IL1RAPL2: variants seen among roughly 807,000 people sequenced by gnomAD.
IL1RAPL2 encodes the protein X-linked interleukin-1 receptor accessory protein-like 2.
A neutral mutation model predicts 44.1 loss-of-function variants in IL1RAPL2; 3 were observed. The observed-to-expected ratio is 0.07, with a 90% CI of 0.03 to 0.18. IL1RAPL2 has a LOEUF of 0.18. Ranked by LOEUF, IL1RAPL2 falls within the 10% of genes least tolerant of loss-of-function variation. The probability of loss-of-function intolerance (pLI) is 1.00; values close to 1 mark genes in which losing one functional copy is unlikely to be tolerated. For synonymous variants in IL1RAPL2, 181 were observed against 178.8 expected (o/e 1.01, Z -0.10); for missense variants, 391 against 496.4 (o/e 0.79, Z 2.02).
At chrX:104,616,231 C>T (rs910856772) in intron 1 of IL1RAPL2, among the ~76,000 whole-genome samples, 3 of 111,902 alleles carry the variant, frequency 2.7e-5, no homozygotes, top group African/African-American at 9.8e-5. Context: ...TTTGTTTTTG[C>T]TGTGCAGAAT....
At chrX:105,396,927 A>C (rs1340245583) in intron 5 of IL1RAPL2, among the ~76,000 whole-genome samples, 1 of 111,255 alleles carries the variant, frequency 9.0e-6, no homozygotes, top group Non-Finnish European at 1.9e-5. Context: ...GAGTGAGCGA[A>C]GCTTCATCTG....
intron 5 of IL1RAPL2, among the ~76,000 whole-genome samples, chrX:105,471,029 G>A (rs1014239406): frequency 8.9e-6 from 1 of 111,841 alleles, no homozygotes; most frequent in Non-Finnish European, 1.9e-5. Flanking sequence ...TTCATTTACT[G>A]TGGGGTAATT....
chrX:104,675,756 G>A (rs1401158715), intron 2 of IL1RAPL2, among the ~76,000 whole-genome samples: 3 of 110,264 alleles, frequency 2.7e-5, no homozygotes, highest in African/African-American at 9.9e-5. Flanking sequence ...AGGTCACTCA[G>A]GACTTGCTTT....
intron 1 of IL1RAPL2, among the ~76,000 whole-genome samples, chrX:104,645,880 A>T (rs2148017795): frequency 8.9e-6 from 1 of 112,613 alleles, no homozygotes; most frequent in South Asian, 3.7e-4. Context: ...AGTCTATCAC[A>T]TGCATGATCT....
At chrX:104,971,145 C>T (rs184253145) in intron 2 of IL1RAPL2, among the ~76,000 whole-genome samples, 45 of 110,913 alleles carry the variant, frequency 4.1e-4, no homozygotes, top group African/African-American at 1.4e-3. Context: ...GTCAGGAGTT[C>T]GAGACCAGCT....
chrX:105,234,596 G>A (rs1603025321), intron 4 of IL1RAPL2, among the ~76,000 whole-genome samples: 1 of 110,898 alleles, frequency 9.0e-6, no homozygotes, highest in Non-Finnish European at 1.9e-5. Flanking sequence ...TTCACCTGAG[G>A]TCAGGAGTTC....
intron 6 of IL1RAPL2, among the ~76,000 whole-genome samples, chrX:105,529,258 G>C (rs189749832): frequency 9.0e-6 from 1 of 111,122 alleles, no homozygotes; most frequent in East Asian, 2.8e-4. Flanking sequence ...TTGACTATTT[G>C]CTTAATGAGA....
intron 2 of IL1RAPL2, among the ~76,000 whole-genome samples, chrX:104,698,558 G>A (rs892310691): frequency 4.5e-5 from 5 of 111,743 alleles, no homozygotes; most frequent in Admixed American, 2.8e-4. Context: ...GTGTTACCTC[G>A]ATTGGCATGA....
chrX:105,714,740 G>A (rs887264041), intron 6 of IL1RAPL2, among the ~76,000 whole-genome samples: 22 of 111,640 alleles, frequency 2.0e-4, no homozygotes, highest in African/African-American at 7.2e-4. Context: ...TCTTCCAAAG[G>A]TCTTACTTCT....
chrX:104,908,933 G>C (rs1445155521), intron 2 of IL1RAPL2, among the ~76,000 whole-genome samples: 5 of 110,997 alleles, frequency 4.5e-5, no homozygotes, highest in African/African-American at 9.9e-5. Context: ...ATATCCTGCA[G>C]AGTGTTTTCC....
chrX:104,943,689 T>G (rs773585210), intron 2 of IL1RAPL2, among the ~76,000 whole-genome samples: 5 of 111,625 alleles, frequency 4.5e-5, no homozygotes, highest in Admixed American at 2.9e-4. Flanking sequence ...ACCACACCAC[T>G]TAAAATTGCA....
At chrX:105,228,498 T>C (rs1556191889) in intron 3 of IL1RAPL2, among the ~76,000 whole-genome samples, 1 of 112,003 alleles carries the variant, frequency 8.9e-6, no homozygotes. Flanking sequence ...TGAGTTTTAC[T>C]TTTCTCCCCA....
intron 2 of IL1RAPL2, among the ~76,000 whole-genome samples, chrX:104,701,855 A>C (rs1444937317): frequency 8.9e-6 from 1 of 111,843 alleles, no homozygotes; most frequent in Non-Finnish European, 1.9e-5. Flanking sequence ...AAATATATGA[A>C]ATTTTATGGT....
At chrX:104,838,437 A>G (rs932860171) in intron 2 of IL1RAPL2, among the ~76,000 whole-genome samples, 2 of 110,968 alleles carry the variant, frequency 1.8e-5, no homozygotes, top group African/African-American at 6.6e-5. Context: ...GAGGTCCTTC[A>G]TTTCCCTTGT....
intron 2 of IL1RAPL2, among the ~76,000 whole-genome samples, chrX:104,795,597 G>A (rs1466953426): frequency 1.8e-5 from 2 of 111,166 alleles, no homozygotes; most frequent in Admixed American, 9.6e-5. Context: ...ACCCCACCTT[G>A]AGGAAATATT....
intron 3 of IL1RAPL2, chrX:105,220,334 T>C (rs1556179856): frequency 8.3e-7 from 1 of 1,208,170 alleles, no homozygotes; most frequent in Admixed American, 2.2e-5. Flanking sequence ...ATTTTCTCGT[T>C]GATGAAGGCC....
At chrX:104,796,800 C>T (rs763099252) in intron 2 of IL1RAPL2, among the ~76,000 whole-genome samples, 4 of 111,127 alleles carry the variant, frequency 3.6e-5, no homozygotes, top group Non-Finnish European at 7.6e-5. Context: ...GATGGAGTTT[C>T]GCTCTTGTTG....
At chrX:104,795,463 C>A (rs1174661285) in intron 2 of IL1RAPL2, among the ~76,000 whole-genome samples, 1 of 108,248 alleles carries the variant, frequency 9.2e-6, no homozygotes, top group Non-Finnish European at 1.9e-5. Context: ...ATCTGCAAAT[C>A]TCAATTCCTC....
chrX:104,999,957 CT>C (rs59134494), intron 2 of IL1RAPL2, among the ~76,000 whole-genome samples: 13,004 of 104,214 alleles, frequency 0.12, 2,018 homozygotes, highest in African/African-American at 0.42. Flanking sequence ...CATAACATTT[CT>C]TTTTTTTTTT....
Sources: gnomAD v4.1 joint callset for allele counts (sites outside exome capture counted in the v4.1 genomes callset) on GRCh38, gnomAD v4.1.1 for gene constraint, MANE v1.5 for transcripts, NCBI Gene and HGNC (gene_info 2026-07-23, HGNC 2026-07-21) for gene names.